Variants in OS9 observed in about 807,000 individuals in gnomAD.
OS9 encodes the protein protein OS-9.
Under a neutral mutation model 84.7 loss-of-function variants are expected in OS9, and 58 were observed. The observed-to-expected ratio is 0.68, with a 90% confidence interval of 0.55 to 0.85. The LOEUF (loss-of-function observed/expected upper bound fraction) is 0.85, where lower values mean the gene tolerates loss of function less well. Ranked by LOEUF, OS9 falls within the 40% of genes least tolerant of loss-of-function variation. The pLI is 0.00. For missense variants in OS9, 760 were observed against 850.9 expected (o/e 0.89, Z 1.33); for synonymous variants, 278 against 320.8 (o/e 0.87, Z 1.43).
intron 5 of OS9, 132 bp from the exon 6 acceptor site, chr12:57,715,628 G>T (rs1954462207): frequency 3.3e-6 from 2 of 600,792 alleles, no homozygotes; most frequent in East Asian, 6.2e-5. Flanking sequence ...GCCAATTTAT[G>T]TAAAGTGCCA....
At chr12:57,705,359 A>G (rs1954136125) in intron 5 of OS9, among the ~76,000 whole-genome samples, 1 of 152,116 alleles carries the variant, frequency 6.6e-6, no homozygotes, top group Admixed American at 6.5e-5. Flanking sequence ...GTTGTCCTAT[A>G]TTTTAGTAAA....
intron 5 of OS9, among the ~76,000 whole-genome samples, chr12:57,712,480 T>C (rs960240348): frequency 2.4e-5 from 3 of 123,930 alleles, no homozygotes; most frequent in Non-Finnish European, 5.5e-5. Context: ...AGAACACACT[T>C]TGTGTGACTT....
intron 5 of OS9, among the ~76,000 whole-genome samples, chr12:57,713,318 G>A (rs1290376748): frequency 6.6e-6 from 1 of 152,140 alleles, no homozygotes; most frequent in Non-Finnish European, 1.5e-5. Context: ...CAAAATCCCC[G>A]AGGCCCTGCT....
At chr12:57,707,255 C>T (rs1294202837) in intron 5 of OS9, among the ~76,000 whole-genome samples, 2 of 152,130 alleles carry the variant, frequency 1.3e-5, no homozygotes, top group African/African-American at 2.4e-5. Flanking sequence ...ATTTCACTAA[C>T]ATTGTATTAG....
rs1565783746 is a variant in OS9 at position 57,720,112 on chromosome 12, GCA to G, written c.1617_1618del (p.His539GlnfsTer15). On this transcript the variant is annotated frameshift_variant, in exon 13 of 15. Transcript: ENST00000315970. LOFTEE classifies it high-confidence loss of function. ...SPQPTEEDPEHRVRVRVTKLR... is the reference protein window; with the variant it reads ...SPQPTEEDPEXRVRVRVTKLR... ...TCCCCCTCTAAGAGGAGGATCCTGA[GCA>G]CAGAGTCCGGGTCCGGGTCACCAAG... 3 of 1,613,802 alleles carry G rather than the reference GCA, an allele frequency of 1.9e-6. No homozygotes were observed. The East Asian group carries it at 6.7e-5, about 36-fold the overall frequency.
intron 5 of OS9, 79 bp downstream of exon 5, chr12:57,696,452 C>CGGGGG (rs1555192314): frequency 1.6e-4 from 2 of 12,524 alleles, no homozygotes; most frequent in African/African-American, 1.2e-3. Flanking sequence ...ATCTTATAGT[C>CGGGGG]GGGGCGGGGG....
At chr12:57,694,459 C>G in intron 1 of OS9, 136 bp downstream of exon 1, 1 of 968,634 alleles carries the variant, frequency 1.0e-6, no homozygotes. Context: ...TTACGGTGAC[C>G]CCTGGGGGTC....
intron 5 of OS9, among the ~76,000 whole-genome samples, chr12:57,713,698 CTTTTT>C (rs1045862160): frequency 1.4e-4 from 18 of 131,826 alleles, no homozygotes; most frequent in African/African-American, 5.1e-4. Flanking sequence ...CCCCACCCCA[CTTTTT>C]TTTTTTTTTT....
chr12:57,718,376 G>C lies in OS9; in HGVS notation c.1365G>C (p.Glu455Asp), dbSNP rs1304215035. 1 of 1,614,186 alleles carries C rather than the reference G, an allele frequency of 6.2e-7. No individual in the cohort carries two copies. The highest frequency in any genetic ancestry group is 1.7e-5 in the Admixed American group (1 of 60,024). ...LPSDRDRLRS[E>D]VKAGMERELE... ...CAGACCGAGACCGGCTCCGTTCGGA[G>C]GTGAAGGCTGGCATGGAGCGGGAAC... The change falls in exon 11 of 15, where the codon GAG (glutamate) becomes GAC (aspartate). Residue 455 changes from glutamate to aspartate, a missense_variant. By Grantham distance (45) the Glu-to-Asp change is conservative. Transcript: ENST00000315970.
At chr12:57,713,452 T>C (rs2640592) in intron 5 of OS9, among the ~76,000 whole-genome samples, 1 of 152,130 alleles carries the variant, frequency 6.6e-6, no homozygotes, top group South Asian at 2.1e-4. Context: ...TTGTGAAACC[T>C]CCACTCTCTG....
chr12:57,697,777 C>A (rs1953890034), intron 5 of OS9, among the ~76,000 whole-genome samples: 1 of 151,986 alleles, frequency 6.6e-6, no homozygotes, highest in South Asian at 2.1e-4. Flanking sequence ...CTGGTGCAGT[C>A]TCCTGCAGAT....
In OS9 at chr12:57,718,564, C is replaced by T. The variant is rs530050231; in HGVS notation, c.1410+143C>T. 26 of 873,268 alleles carry T rather than the reference C, an allele frequency of 3.0e-5. 1 individual carries two copies. Among genetic ancestry groups the T allele is most frequent in the East Asian group, 1.0e-4 (4 of 38,504 alleles). The allele number at this position is 873,268 out of a possible 1,614,324, so 54.1% of individuals were successfully genotyped here. ...AGTGGTAGCTGTTTCCCTAATTAATCGGGGCTGTTGGGGAAGGGGGACCAG... is the reference window on the plus strand; with the variant it reads ...AGTGGTAGCTGTTTCCCTAATTAATTGGGGCTGTTGGGGAAGGGGGACCAG... On this transcript the variant is annotated intron_variant, in intron 11 of 14. Coordinates refer to ENST00000315970, the MANE Select transcript of OS9 (RefSeq NM_006812.4).
At chr12:57,716,287 G>GGGGT in intron 7 of OS9, 94 bp downstream of exon 7, 2 of 745,066 alleles carry the variant, frequency 2.7e-6, no homozygotes, top group South Asian at 3.0e-5. Flanking sequence ...GGTGGGGGGG[G>GGGGT]GTGGAAAAGT....
At chr12:57,715,682 A>G in intron 5 of OS9, 78 bp from the exon 6 acceptor site, 1 of 989,328 alleles carries the variant, frequency 1.0e-6, no homozygotes, top group Non-Finnish European at 1.5e-6. Context: ...ATCAGTGCTT[A>G]GTAAAAGACA....
At position 57,718,438 on chromosome 12, in the gene OS9, C is replaced by T. The variant is rs201205971; in HGVS notation, c.1410+17C>T. 1.2e-5 allele frequency: 19 copies of T among 1,607,190 alleles called. No homozygotes were observed. The East Asian group carries it at 4.2e-4, about 36-fold the overall frequency. Reference sequence around the variant, plus strand: ...ATCCAGGAGGCAAGCCCAGCTCTTCCTCCTGTTGCTTCCACAGCCGCCTGG... The same window carrying T: ...ATCCAGGAGGCAAGCCCAGCTCTTCTTCCTGTTGCTTCCACAGCCGCCTGG... On this transcript the variant is annotated intron_variant, in intron 11 of 14. Coordinates refer to ENST00000315970, the MANE Select transcript of OS9 (RefSeq NM_006812.4).
intron 5 of OS9, among the ~76,000 whole-genome samples, chr12:57,696,731 C>T (rs537587565): frequency 2.5e-4 from 38 of 151,704 alleles, no homozygotes; most frequent in Admixed American, 7.2e-4. Flanking sequence ...GGGAGGCGGA[C>T]GTTGCAGTGA....
At chr12:57,694,390 G>C in intron 1 of OS9, 67 bp downstream of exon 1, 2 of 1,534,708 alleles carry the variant, frequency 1.3e-6, no homozygotes, top group Non-Finnish European at 1.8e-6. Context: ...GAGGAAGAAG[G>C]GCAGCTCCGG....
Position 57,697,924 on chromosome 12 carries a change from T to TACACACACAC in OS9, c.579+1584_579+1593dup, listed in dbSNP as rs61407014. On this transcript the variant is annotated intron_variant, in intron 5 of 14. Transcript: ENST00000315970. ...ACATAAGCAAACACACACACACACA[T>TACACACACAC]ACACACACACACACACACACACACA... is the stretch of plus-strand genomic sequence containing the variant. 3.1e-3 allele frequency among the ~76,000 whole-genome samples: 280 copies of TACACACACAC among 91,594 alleles called. 3 individuals carry two copies. Among genetic ancestry groups the TACACACACAC allele is most frequent in the Middle Eastern group, 5.7e-3 (1 of 176 alleles). 60.1% of individuals were successfully genotyped at this position (91,594 alleles called of 152,430 possible).
intron 5 of OS9, among the ~76,000 whole-genome samples, chr12:57,700,464 T>G (rs1953988773): frequency 6.6e-6 from 1 of 152,016 alleles, no homozygotes; most frequent in South Asian, 2.1e-4. Context: ...GTTGAGGCCA[T>G]TCCTGTCTGG....
Sources: allele counts gnomAD v4.1 joint callset (sites outside exome capture counted in the v4.1 genomes callset), GRCh38; gene constraint gnomAD v4.1.1; transcripts MANE v1.5; gene names NCBI Gene and HGNC (gene_info 2026-07-23, HGNC 2026-07-21).